Variants in HFM1 observed in about 807,000 individuals in gnomAD.
HFM1 encodes probable ATP-dependent DNA helicase HFM1.
In HFM1, 169 loss-of-function variants were observed where a neutral mutation model predicts 192.1. That is an observed-to-expected ratio of 0.88 (90% CI 0.78 to 1.00). The LOEUF (loss-of-function observed/expected upper bound fraction) is 1.00. Ranked by LOEUF, HFM1 falls within the 50% of genes least tolerant of loss-of-function variation. HFM1 has a pLI of 0.00. For synonymous variants in HFM1, 525 were observed against 537.8 expected (o/e 0.98, Z 0.33); for missense variants, 1,661 against 1,668.0 (o/e 1.00, Z 0.07).
chr1:91,364,632 A>ATATATTTT (rs753472335), intron 13 of HFM1, among the ~76,000 whole-genome samples: 6 of 66,784 alleles, frequency 9.0e-5, no homozygotes, highest in Admixed American at 5.0e-4. Context: ...ATATATATAT[A>ATATATTTT]TTTTTTTTTT....
intron 2 of HFM1, among the ~76,000 whole-genome samples, chr1:91,399,739 C>G (rs1664087357): frequency 6.6e-6 from 1 of 152,198 alleles, no homozygotes; most frequent in Non-Finnish European, 1.5e-5. Context: ...GAAGTCTCCC[C>G]CTACTACCCA....
intron 30 of HFM1, among the ~76,000 whole-genome samples, chr1:91,291,812 T>C (rs1668795282): frequency 6.6e-6 from 1 of 152,034 alleles, no homozygotes; most frequent in South Asian, 2.1e-4. Context: ...AATAAAATAC[T>C]GGCAAACCGA....
At chr1:91,405,578 C>G (rs1431715337), upstream of HFM1, among the ~76,000 whole-genome samples, 1 of 152,278 alleles carries the variant, frequency 6.6e-6, no homozygotes, top group South Asian at 2.1e-4. Context: ...TTCTACTGTT[C>G]ATTAGCTATA....
intron 19 of HFM1, among the ~76,000 whole-genome samples, chr1:91,344,666 G>A (rs1293533198): frequency 2.7e-3 from 2 of 750 alleles, no homozygotes; most frequent in Non-Finnish European, 8.8e-3. Flanking sequence ...GAATGACTGT[G>A]TAATTTTAAA....
chr1:91,362,122 G>C (rs1329449857), intron 13 of HFM1, among the ~76,000 whole-genome samples: 1 of 152,042 alleles, frequency 6.6e-6, no homozygotes, highest in Non-Finnish European at 1.5e-5. Context: ...CATTCCCCTT[G>C]AAAACTGGCA....
At chr1:91,394,600 AACAG>A (rs1331107245) in intron 3 of HFM1, among the ~76,000 whole-genome samples, 198 bp from the exon 4 acceptor site, 3 of 152,216 alleles carry the variant, frequency 2.0e-5, no homozygotes, top group African/African-American at 7.2e-5. Context: ...TTACATCATT[AACAG>A]ACACTCAGAA....
intron 30 of HFM1, among the ~76,000 whole-genome samples, chr1:91,285,000 T>C (rs1271889513): frequency 6.6e-6 from 1 of 152,180 alleles, no homozygotes; most frequent in African/African-American, 2.4e-5. Flanking sequence ...CCCCATACTG[T>C]TCTTGTGGTA....
At position 91,352,787 on chromosome 1, in the gene HFM1, C is replaced by T; in HGVS notation, c.1832-136G>A. On this transcript the variant is annotated intron_variant, in intron 15 of 38. Coordinates refer to ENST00000370425, the MANE Select transcript of HFM1 (RefSeq NM_001017975.6). ...ATTTAGAAAAGAAAAAAGAGCATTA[C>T]AATCTAAAATAGTAACACACCTTAA... 3 of 692,724 alleles carry T rather than the reference C, an allele frequency of 4.3e-6. No homozygotes were observed. The South Asian group carries it at 7.9e-5, about 18-fold the overall frequency. 42.9% of individuals were successfully genotyped at this position (692,724 alleles called of 1,614,324 possible). A position where few individuals can be genotyped will look rare whatever the true frequency, so the allele number is the denominator to read the frequency against.
At chr1:91,289,062 G>A (rs576191982) in intron 30 of HFM1, among the ~76,000 whole-genome samples, 81 of 151,658 alleles carry the variant, frequency 5.3e-4, no homozygotes, top group African/African-American at 1.8e-3. Flanking sequence ...CCCACCTCCC[G>A]GATGGGGCGG....
At chr1:91,393,208 A>C (rs1663226073) in intron 4 of HFM1, among the ~76,000 whole-genome samples, 1 of 152,168 alleles carries the variant, frequency 6.6e-6, no homozygotes, top group African/African-American at 2.4e-5. Context: ...CCATTATTCT[A>C]ATTAGACTGC....
chr1:91,393,953 A>G (rs950762677), intron 4 of HFM1, 140 bp downstream of exon 4: 19 of 526,836 alleles, frequency 3.6e-5, no homozygotes, highest in Non-Finnish European at 6.2e-5. Flanking sequence ...TGACACCAGG[A>G]ATGGAGAAAG....
intron 4 of HFM1, among the ~76,000 whole-genome samples, chr1:91,392,124 T>C (rs1345028261): frequency 1.3e-5 from 2 of 151,974 alleles, no homozygotes; most frequent in Admixed American, 1.3e-4. Flanking sequence ...TGTGGAGAAA[T>C]AGGAACACTT....
In HFM1 at chr1:91,359,462, G is replaced by A. The variant is rs564309216; in HGVS notation, c.1686-6163C>T. ...AACACGAGAACTTCACAATGCAATC[G>A]CAAGTATCAATAACAGAATAGACCA... On this transcript the variant is annotated intron_variant, in intron 13 of 38. Coordinates refer to ENST00000370425, the MANE Select transcript of HFM1 (RefSeq NM_001017975.6). 6.6e-5 allele frequency among the ~76,000 whole-genome samples: 10 copies of A among 151,330 alleles called. No individual in the cohort carries two copies. In the South Asian group the frequency reaches 2.1e-3, roughly 32 times the overall value.
intron 13 of HFM1, among the ~76,000 whole-genome samples, chr1:91,360,719 C>T (rs1201778550): frequency 6.6e-6 from 1 of 152,134 alleles, no homozygotes. Flanking sequence ...CAGAACTCTC[C>T]ACTCAAATTC....
chr1:91,352,913 G>A (rs527963869), intron 15 of HFM1, 138 bp downstream of exon 15: 3 of 632,156 alleles, frequency 4.7e-6, no homozygotes, highest in South Asian at 2.2e-5. Context: ...GCATCTACAT[G>A]CATAGGTAAC....
chr1:91,387,403 A>C lies in HFM1; in HGVS notation c.495-1569T>G, dbSNP rs964201453. 2.4e-4 allele frequency among the ~76,000 whole-genome samples: 36 copies of C among 151,890 alleles called. 1 individual carries two copies. Among genetic ancestry groups the C allele is most frequent in the African/African-American group, 8.7e-4 (36 of 41,338 alleles). On this transcript the variant is annotated intron_variant, in intron 4 of 38. Transcript: ENST00000370425. The stretch of plus-strand genomic sequence containing the variant: ...TGACACCTCCTGCTTAAAACCCAAA[A>C]GGTCAGAAGGATCGTGAGGCCCCGC...
intron 30 of HFM1, among the ~76,000 whole-genome samples, chr1:91,300,179 T>C (rs1648471395): frequency 1.3e-5 from 2 of 151,956 alleles, no homozygotes; most frequent in Admixed American, 6.6e-5. Flanking sequence ...AACTAGAAAA[T>C]CTAGAAGAAA....
intron 6 of HFM1, 54 bp downstream of exon 6, chr1:91,385,133 A>T: frequency 3.0e-6 from 3 of 1,003,076 alleles, no homozygotes; most frequent in Non-Finnish European, 4.6e-6. Context: ...CAAATGTTTT[A>T]AAATTATGAT....
At chr1:91,365,028 C>A (rs184528428) in intron 13 of HFM1, among the ~76,000 whole-genome samples, 1 of 151,962 alleles carries the variant, frequency 6.6e-6, no homozygotes, top group Non-Finnish European at 1.5e-5. Context: ...TGAGATTCTG[C>A]GACTTGCCAC....
Sources: allele counts gnomAD v4.1 joint callset (sites outside exome capture counted in the v4.1 genomes callset), GRCh38; gene constraint gnomAD v4.1.1; transcripts MANE v1.5; gene names NCBI Gene and HGNC (gene_info 2026-07-23, HGNC 2026-07-21).